Variants in PBX1 observed in about 807,000 individuals in gnomAD.
The protein encoded by PBX1 is pre-B-cell leukemia transcription factor 1.
Under a neutral mutation model 53.4 loss-of-function variants are expected in PBX1, and 6 were observed. The ratio of observed to expected loss-of-function variants is 0.11; its 90% CI spans 0.06 to 0.22. The LOEUF (loss-of-function observed/expected upper bound fraction) is 0.22. Among genes scored for constraint, PBX1 ranks in the 10% least tolerant of loss-of-function variants. The probability of loss-of-function intolerance (pLI) is 1.00; values close to 1 mark genes in which losing one functional copy is unlikely to be tolerated. For missense variants in PBX1, 251 were observed against 551.4 expected, an observed-to-expected ratio of 0.46 and a Z score of 5.46; for synonymous variants, 204 against 212.3, an observed-to-expected ratio of 0.96 and a Z score of 0.34.
rs570318298 is a variant in PBX1 at position 164,783,413 on chromosome 1, C to T, written c.266-9081C>T. Among the ~76,000 whole-genome samples the T allele has an allele frequency of 1.1e-4, 17 of 151,940 alleles. 1 individual carries two copies. The South Asian group carries it at 3.1e-3, about 28-fold the overall frequency. On this transcript the variant is annotated intron_variant, in intron 2 of 8. Transcript: ENST00000420696. ...GTGTCTGTGTGCATTTGTGTGCGTG[C>T]GTGTATGTGTGTATGTATATTCTTG...
chr1:164,847,687 A>C lies in PBX1; in HGVS notation c.*1011A>C. The stretch of plus-strand genomic sequence containing the variant: ...TCTTCACTTTCCCGAGATGCCATAT[A>C]CAATTACCTACATTAATAACTGTAG... On this transcript the variant is annotated 3_prime_UTR_variant, in exon 9 of 9. Coordinates refer to ENST00000420696, the MANE Select transcript of PBX1 (RefSeq NM_002585.4). 5 of 1,056,986 alleles carry C rather than the reference A, an allele frequency of 4.7e-6. No individual in the cohort carries two copies. Among genetic ancestry groups the C allele is most frequent in the Non-Finnish European group, 4.6e-6 (4 of 874,066 alleles). 65.5% of individuals were successfully genotyped at this position (1,056,986 alleles called of 1,614,324 possible).
At chr1:164,708,149 G>A (rs570517869) in intron 2 of PBX1, among the ~76,000 whole-genome samples, 1 of 152,206 alleles carries the variant, frequency 6.6e-6, no homozygotes, top group Non-Finnish European at 1.5e-5. Context: ...GAAGCAGAGC[G>A]AGGCAGAGTG....
At chr1:164,596,434 A>G (rs1018382041) in intron 2 of PBX1, among the ~76,000 whole-genome samples, 3 of 152,184 alleles carry the variant, frequency 2.0e-5, no homozygotes, top group Non-Finnish European at 4.4e-5. Flanking sequence ...CAACCCATAT[A>G]TTTAGAGCAG....
At chr1:164,690,526 G>A (rs1453717703) in intron 2 of PBX1, among the ~76,000 whole-genome samples, 1 of 151,872 alleles carries the variant, frequency 6.6e-6, no homozygotes, top group Non-Finnish European at 1.5e-5. Flanking sequence ...TCCTAGCATG[G>A]GAGGCCGAAG....
intron 2 of PBX1, among the ~76,000 whole-genome samples, chr1:164,578,049 C>G (rs757645621): frequency 5.3e-5 from 8 of 152,164 alleles, no homozygotes; most frequent in Non-Finnish European, 7.3e-5. Flanking sequence ...TCCTCCTACT[C>G]ATTTATTCTA....
At position 164,848,948 on chromosome 1, in the gene PBX1, G is replaced by A. The variant is rs1015357293; in HGVS notation, c.*2272G>A. On this transcript the variant is annotated 3_prime_UTR_variant, in exon 9 of 9. Transcript: ENST00000420696. ...GAAATTATGCCTTGATGACTAAAAG[G>A]CACTAGAAAGGTTGTGTCTACTAAC... 3.6e-5 allele frequency: 39 copies of A among 1,080,214 alleles called. No individual in the cohort carries two copies. In the African/African-American group the frequency reaches 6.3e-4, roughly 18 times the overall value. The allele number at this position is 1,080,214 out of a possible 1,614,324, so 66.9% of individuals were successfully genotyped here.
chr1:164,683,795 T>C (rs541848143), intron 2 of PBX1: 2 of 151,774 alleles, frequency 1.3e-5, no homozygotes, highest in South Asian at 4.2e-4. Context: ...CTTTAAGATT[T>C]ATTGGATTTT....
At chr1:164,662,219 G>T (rs867201940) in intron 2 of PBX1, among the ~76,000 whole-genome samples, 2 of 152,134 alleles carry the variant, frequency 1.3e-5, no homozygotes, top group Admixed American at 6.5e-5. Context: ...CCAGTTACTC[G>T]GGAGGCTGAG....
At chr1:164,883,053 G>T (rs1033558533) in intron 2 of PBX1, among the ~76,000 whole-genome samples, 5 of 152,096 alleles carry the variant, frequency 3.3e-5, no homozygotes, top group Non-Finnish European at 2.9e-5. Flanking sequence ...TGAAATAATT[G>T]GTTTAAAAAT....
intron 6 of PBX1, chr1:164,817,356 A>T (rs1558025472): frequency 6.6e-6 from 1 of 152,186 alleles, no homozygotes; most frequent in Non-Finnish European, 1.5e-5. Context: ...AGTGCTGGGT[A>T]GAGAACATGT....
intron 2 of PBX1, among the ~76,000 whole-genome samples, chr1:164,761,723 G>A (rs921153344): frequency 3.3e-5 from 5 of 152,302 alleles, no homozygotes; most frequent in South Asian, 4.1e-4. Flanking sequence ...GATTACAGGC[G>A]TGAGCCACCG....
At chr1:164,741,617 C>T (rs1665610170) in intron 2 of PBX1, among the ~76,000 whole-genome samples, 1 of 152,116 alleles carries the variant, frequency 6.6e-6, no homozygotes. Context: ...CAGTACACTG[C>T]TTTAATAAAT....
Position 164,846,474 on chromosome 1 carries a change from G to A in PBX1, c.1201-110G>A, listed in dbSNP as rs185336889. On this transcript the variant is annotated intron_variant, in intron 8 of 8. Transcript: ENST00000420696. ...TTGCCCATTTGATGAGTGTCTCCAT[G>A]TGCCAGGCACTATGCTAGGTCCTTT... The A allele has an allele frequency of 3.2e-5, 28 of 876,472 alleles. No individual in the cohort carries two copies. In the Admixed American group the frequency reaches 4.6e-4, roughly 15 times the overall value. The allele number at this position is 876,472 out of a possible 1,614,324, so 54.3% of individuals were successfully genotyped here. A position where few individuals can be genotyped will look rare whatever the true frequency, so the allele number is the denominator to read the frequency against.
intron 8 of PBX1, among the ~76,000 whole-genome samples, chr1:164,824,860 A>G (rs975625016): frequency 6.6e-6 from 1 of 152,188 alleles, no homozygotes; most frequent in African/African-American, 2.4e-5. Context: ...TCTCACTGCC[A>G]CCATCCTAGT....
intron 4 of PBX1, among the ~76,000 whole-genome samples, chr1:164,806,695 G>A (rs1571443660): frequency 6.6e-6 from 1 of 152,132 alleles, no homozygotes. Flanking sequence ...CGGTAAATAC[G>A]AATAATCATA....
chr1:164,608,047 T>A (rs139227965), intron 2 of PBX1, among the ~76,000 whole-genome samples: 3 of 152,332 alleles, frequency 2.0e-5, no homozygotes, highest in African/African-American at 7.2e-5. Flanking sequence ...GTTCCAAGTC[T>A]GAGTATTCTC....
intron 2 of PBX1, among the ~76,000 whole-genome samples, chr1:164,638,828 C>CT (rs2101895846): frequency 6.6e-6 from 1 of 152,296 alleles, no homozygotes; most frequent in South Asian, 2.1e-4. Flanking sequence ...GAGTGCCGGC[C>CT]TTTACTGTTT....
At chr1:164,586,770 C>T (rs1376496906) in intron 2 of PBX1, among the ~76,000 whole-genome samples, 3 of 152,110 alleles carry the variant, frequency 2.0e-5, no homozygotes, top group African/African-American at 7.2e-5. Flanking sequence ...TCCTGTTGAA[C>T]ACAGAATTCG....
At chr1:164,600,452 T>C (rs1245384114) in intron 2 of PBX1, among the ~76,000 whole-genome samples, 2 of 152,104 alleles carry the variant, frequency 1.3e-5, no homozygotes, top group Non-Finnish European at 2.9e-5. Context: ...TTTCACAATG[T>C]TAGTCAGGCT....
Sources: gnomAD v4.1 joint callset for allele counts (sites outside exome capture counted in the v4.1 genomes callset) on GRCh38, gnomAD v4.1.1 for gene constraint, MANE v1.5 for transcripts, NCBI Gene and HGNC (gene_info 2026-07-23, HGNC 2026-07-21) for gene names.